Variants in KIZ observed in about 807,000 individuals in gnomAD.
KIZ encodes centrosomal protein kizuna.
A neutral mutation model predicts 79.6 loss-of-function variants in KIZ; 68 were observed. That is an observed-to-expected ratio of 0.85 (90% CI 0.70 to 1.05). The LOEUF (loss-of-function observed/expected upper bound fraction) is 1.05. Ranked by LOEUF, KIZ falls within the 50% of genes least tolerant of loss-of-function variation. The probability of loss-of-function intolerance (pLI) is 0.00; values close to 1 mark genes in which losing one functional copy is unlikely to be tolerated. For missense variants in KIZ, 797 were observed against 800.4 expected (o/e 1.00, Z 0.05); for synonymous variants, 280 against 281.8 (o/e 0.99, Z 0.06).
chr20:21,236,538 C>T (rs1022380928), intron 11 of KIZ, among the ~76,000 whole-genome samples: 1 of 152,156 alleles, frequency 6.6e-6, no homozygotes, highest in Admixed American at 6.5e-5. Flanking sequence ...AAGGATACTT[C>T]CTGCTGCCGG....
chr20:21,160,517 T>C (rs2033605825), intron 4 of KIZ, among the ~76,000 whole-genome samples: 1 of 152,154 alleles, frequency 6.6e-6, no homozygotes, highest in Non-Finnish European at 1.5e-5. Flanking sequence ...TTTGTGTGTG[T>C]GGCCTCCAGG....
intron 6 of KIZ, among the ~76,000 whole-genome samples, chr20:21,171,000 A>G (rs1196442180): frequency 6.6e-6 from 1 of 152,208 alleles, no homozygotes; most frequent in Non-Finnish European, 1.5e-5. Context: ...TTACCTTTGT[A>G]AGAAACTGCT....
intron 8 of KIZ, among the ~76,000 whole-genome samples, chr20:21,215,149 C>T (rs902574456): frequency 2.6e-5 from 4 of 152,142 alleles, no homozygotes; most frequent in Non-Finnish European, 4.4e-5. Context: ...ATTTATGCTC[C>T]CCAAATTTAA....
At chr20:21,189,060 T>C (rs1362644384) in intron 6 of KIZ, among the ~76,000 whole-genome samples, 1 of 151,976 alleles carries the variant, frequency 6.6e-6, no homozygotes, top group East Asian at 1.9e-4. Context: ...CCCAGGCTGG[T>C]CTCAAACTCC....
At chr20:21,175,536 T>C (rs1393749825) in intron 6 of KIZ, among the ~76,000 whole-genome samples, 4 of 152,100 alleles carry the variant, frequency 2.6e-5, no homozygotes, top group African/African-American at 9.7e-5. Context: ...AGGAGTTAGA[T>C]AGGAACTGAG....
intron 6 of KIZ, among the ~76,000 whole-genome samples, chr20:21,170,125 A>G (rs1044150209): frequency 6.6e-6 from 1 of 152,086 alleles, no homozygotes; most frequent in Admixed American, 6.6e-5. Flanking sequence ...TGTTTTTGGT[A>G]TGGGGTTATT....
chr20:21,203,610 C>G (rs1600528539), intron 6 of KIZ, among the ~76,000 whole-genome samples: 1 of 152,156 alleles, frequency 6.6e-6, no homozygotes, highest in African/African-American at 2.4e-5. Flanking sequence ...TTGATCATTT[C>G]TTCTGCATTT....
intron 11 of KIZ, among the ~76,000 whole-genome samples, chr20:21,242,389 C>G (rs1451500025): frequency 1.3e-5 from 2 of 152,182 alleles, no homozygotes; most frequent in African/African-American, 4.8e-5. Flanking sequence ...TTTCAGAAAG[C>G]TCACTCTCAT....
At chr20:21,204,476 T>C (rs981182502) in intron 6 of KIZ, among the ~76,000 whole-genome samples, 1 of 152,098 alleles carries the variant, frequency 6.6e-6, no homozygotes, top group Non-Finnish European at 1.5e-5. Flanking sequence ...TTTATTAATT[T>C]ATTTATTTTT....
intron 6 of KIZ, chr20:21,166,421 C>G (rs1224097922): frequency 6.3e-7 from 1 of 1,595,030 alleles, no homozygotes; most frequent in Non-Finnish European, 8.5e-7. Flanking sequence ...CAACAATTTC[C>G]CAGCTCTGTG....
At chr20:21,196,868 G>A (rs1274935935) in intron 6 of KIZ, 1 of 152,150 alleles carries the variant, frequency 6.6e-6, no homozygotes, top group African/African-American at 2.4e-5. Flanking sequence ...GTCTGCAGTT[G>A]TCACTCACCC....
intron 6 of KIZ, among the ~76,000 whole-genome samples, chr20:21,181,515 G>A (rs963626804): frequency 5.9e-5 from 9 of 151,460 alleles, no homozygotes; most frequent in South Asian, 2.1e-4. Flanking sequence ...CCAGAGTGCA[G>A]TGGCGTGATC....
chr20:21,189,093 A>G (rs1419091062), intron 6 of KIZ, among the ~76,000 whole-genome samples: 1 of 151,906 alleles, frequency 6.6e-6, no homozygotes, highest in Non-Finnish European at 1.5e-5. Flanking sequence ...GTCCTCCCAC[A>G]TTGGCTTCCC....
chr20:21,166,284 T>G lies in KIZ; in HGVS notation c.1352+3125T>G, dbSNP rs1018975478. On this transcript the variant is annotated intron_variant, in intron 6 of 12. Transcript: ENST00000619189. ...CATGGTCCATGATGCCAGCTGAGGT[T>G]GTCAGTACAATGAAACCAACTGGCA... 1.9e-6 allele frequency: 3 copies of G among 1,601,896 alleles called. No individual in the cohort carries two copies. The African/African-American group carries it at 4.0e-5, about 21-fold the overall frequency.
At chr20:21,172,659 G>T (rs953283973) in intron 6 of KIZ, among the ~76,000 whole-genome samples, 1 of 152,088 alleles carries the variant, frequency 6.6e-6, no homozygotes, top group African/African-American at 2.4e-5. Context: ...AGGCATGGGT[G>T]CAGTTTAATA....
chr20:21,166,333 AT>A, intron 6 of KIZ: 5 of 1,604,698 alleles, frequency 3.1e-6, no homozygotes, highest in Non-Finnish European at 8.5e-7. Flanking sequence ...TTATTCTGCC[AT>A]TTTTCCAGGT....
At chr20:21,192,304 G>A (rs941192974) in intron 6 of KIZ, among the ~76,000 whole-genome samples, 4 of 114,494 alleles carry the variant, frequency 3.5e-5, no homozygotes, top group East Asian at 2.4e-4. Context: ...TTTTTTTTGC[G>A]GGGGAGGGTG....
chr20:21,232,047 A>T (rs985989677), intron 10 of KIZ, among the ~76,000 whole-genome samples: 1 of 152,228 alleles, frequency 6.6e-6, no homozygotes, highest in African/African-American at 2.4e-5. Context: ...AAAGATGCCC[A>T]TGCATGCTGT....
At chr20:21,220,205 A>G (rs929808366) in intron 9 of KIZ, among the ~76,000 whole-genome samples, 1 of 150,928 alleles carries the variant, frequency 6.6e-6, no homozygotes, top group Non-Finnish European at 1.5e-5. Context: ...TAAAATTAAT[A>G]TTTTTACGTG....
Sources: allele counts gnomAD v4.1 joint callset (sites outside exome capture counted in the v4.1 genomes callset), GRCh38; gene constraint gnomAD v4.1.1; transcripts MANE v1.5; gene names NCBI Gene and HGNC (gene_info 2026-07-23, HGNC 2026-07-21).